Variants in ZNG1A observed in about 807,000 individuals in gnomAD.
The protein encoded by ZNG1A is zinc-regulated GTPase metalloprotein activator 1A.
At chr9:165,255 A>G in the ZNG1A span, among the ~76,000 whole-genome samples, 1 of 152,016 alleles carries the variant, frequency 6.6e-6, no homozygotes, top group Non-Finnish European at 1.5e-5. Context: ...CATTTAAAAA[A>G]GCATGAATTT....
At chr9:145,188 C>T in the ZNG1A span, among the ~76,000 whole-genome samples, 4 of 151,652 alleles carry the variant, frequency 2.6e-5, no homozygotes, top group Non-Finnish European at 5.9e-5. Context: ...CCAGCCATCC[C>T]ATTACTGGGT....
chr9:166,954 T>C, the ZNG1A span: 5 of 152,104 alleles, frequency 3.3e-5, no homozygotes, highest in African/African-American at 9.7e-5. Flanking sequence ...AAAGTATTCA[T>C]GGTAATAAAC....
At chr9:141,582 G>A in the ZNG1A span, among the ~76,000 whole-genome samples, 7 of 151,340 alleles carry the variant, frequency 4.6e-5, no homozygotes, top group African/African-American at 1.7e-4. Context: ...AGCCGCTGCA[G>A]AATCATGCCA....
At chr9:152,658 T>C in the ZNG1A span, among the ~76,000 whole-genome samples, 2 of 152,058 alleles carry the variant, frequency 1.3e-5, no homozygotes, top group African/African-American at 4.8e-5. Flanking sequence ...TTTGATACTA[T>C]AGAATATGGC....
the ZNG1A span, chr9:135,091 A>G: frequency 7.8e-5 from 47 of 601,338 alleles, 1 homozygote; most frequent in Middle Eastern, 1.4e-3. Flanking sequence ...TTTATACGTT[A>G]TTTAGTGACA....
At chr9:127,046 TTGATA>T in the ZNG1A span, among the ~76,000 whole-genome samples, 1 of 152,194 alleles carries the variant, frequency 6.6e-6, no homozygotes, top group Non-Finnish European at 1.5e-5. Context: ...GACAGAGTGC[TTGATA>T]TAATTTTAAT....
chr9:143,112 G>A, the ZNG1A span, among the ~76,000 whole-genome samples: 1 of 144,550 alleles, frequency 6.9e-6, no homozygotes, highest in Admixed American at 7.0e-5. Flanking sequence ...TTCTACCAGA[G>A]GTACAAGGAG....
chr9:138,214 A>C, the ZNG1A span, among the ~76,000 whole-genome samples: 1 of 151,754 alleles, frequency 6.6e-6, no homozygotes, highest in Non-Finnish European at 1.5e-5. Flanking sequence ...CTGCTCCAAT[A>C]CCAGAAGCTA....
At chr9:174,808 A>C in the ZNG1A span, among the ~76,000 whole-genome samples, 1 of 150,968 alleles carries the variant, frequency 6.6e-6, no homozygotes, top group Admixed American at 6.6e-5. Context: ...ATGAAGAAAA[A>C]CTTCTATAAA....
chr9:139,717 A>G, the ZNG1A span, among the ~76,000 whole-genome samples: 5 of 151,772 alleles, frequency 3.3e-5, no homozygotes, highest in African/African-American at 1.2e-4. Context: ...GAGACGCAGA[A>G]GACAGGCGAT....
At chr9:124,796 CAT>C in the ZNG1A span, among the ~76,000 whole-genome samples, 1 of 140,634 alleles carries the variant, frequency 7.1e-6, no homozygotes, top group East Asian at 2.0e-4. Flanking sequence ...TGAGTGAGAA[CAT>C]AGCGATGTTT....
At chr9:129,036 G>A in the ZNG1A span, among the ~76,000 whole-genome samples, 4 of 151,538 alleles carry the variant, frequency 2.6e-5, no homozygotes, top group Admixed American at 6.6e-5. Context: ...TGAACCATCT[G>A]TGGGTCTCTC....
the ZNG1A span, chr9:163,917 C>T: frequency 1.4e-6 from 2 of 1,473,754 alleles, no homozygotes; most frequent in South Asian, 1.2e-5. Flanking sequence ...CAAAGTGAGA[C>T]TCTGTCTCAG....
the ZNG1A span, chr9:147,024 A>G: frequency 6.6e-6 from 1 of 151,068 alleles, no homozygotes; most frequent in Admixed American, 6.6e-5. Flanking sequence ...CCAAAAATAC[A>G]AAAATTAGCT....
At chr9:153,514 TAAAAGGGTA>T in the ZNG1A span, 1 of 146,498 alleles carries the variant, frequency 6.8e-6, no homozygotes, top group East Asian at 2.0e-4. Context: ...GAGGAGGCTT[TAAAAGGGTA>T]AATAAGCTCC....
the ZNG1A span, among the ~76,000 whole-genome samples, chr9:168,894 T>C: frequency 8.5e-5 from 13 of 152,092 alleles, no homozygotes; most frequent in African/African-American, 1.9e-4. Context: ...CAAAATATTA[T>C]TGCTCATTGA....
the ZNG1A span, among the ~76,000 whole-genome samples, chr9:129,867 A>G: frequency 6.8e-6 from 1 of 146,518 alleles, no homozygotes; most frequent in Admixed American, 7.0e-5. Context: ...ATAAAGAGAA[A>G]TGAGCTGTTG....
the ZNG1A span, chr9:152,182 C>T: frequency 3.0e-6 from 1 of 335,098 alleles, no homozygotes; most frequent in East Asian, 6.0e-5. Context: ...ATAAGCATAC[C>T]CAAATACATC....
the ZNG1A span, among the ~76,000 whole-genome samples, chr9:164,947 G>A: frequency 2.0e-5 from 3 of 152,074 alleles, no homozygotes; most frequent in East Asian, 5.8e-4. Flanking sequence ...TATAGCAAGG[G>A]CCACAAGATC....
Sources: gnomAD v4.1 joint callset for allele counts (sites outside exome capture counted in the v4.1 genomes callset) on GRCh38, gnomAD v4.1.1 for gene constraint, MANE v1.5 for transcripts, NCBI Gene and HGNC (gene_info 2026-07-23, HGNC 2026-07-21) for gene names.